Variants in MAP3K10 observed in about 807,000 individuals in gnomAD.
The protein encoded by MAP3K10 is mitogen-activated protein kinase kinase kinase 10.
Under a neutral mutation model 75.0 loss-of-function variants are expected in MAP3K10, and 22 were observed. The observed-to-expected ratio is 0.29, with a 90% confidence interval of 0.21 to 0.42. The LOEUF is 0.42. MAP3K10 is among the 10% of genes least tolerant of loss of function. The pLI, the probability that MAP3K10 is intolerant of heterozygous loss-of-function variation, is 1.00. For synonymous variants in MAP3K10, 599 were observed against 612.9 expected, an observed-to-expected ratio of 0.98 and a Z score of 0.34; for missense variants, 1,165 against 1,379.8, an observed-to-expected ratio of 0.84 and a Z score of 2.47.
At chr19:40,195,354 G>A (rs1032366946) in intron 1 of MAP3K10, among the ~76,000 whole-genome samples, 2 of 151,756 alleles carry the variant, frequency 1.3e-5, no homozygotes, top group Non-Finnish European at 2.9e-5. Context: ...ACAGGGTTTC[G>A]ATACAAACAG....
chr19:40,205,651 T>G lies in MAP3K10; in HGVS notation c.1189-260T>G. 2.0e-6 allele frequency: 1 copy of G among 512,720 alleles called. No homozygotes were observed. The highest frequency in any genetic ancestry group is 3.6e-5 in the Admixed American group (1 of 27,528). The allele number at this position is 512,720 out of a possible 1,614,324, so 31.8% of individuals were successfully genotyped here. ...ACAGGGGGGTGCACTGTTCTCTGCT[T>G]TTGTGGATGTTTGAAGTTTTCTAAA... On this transcript the variant is annotated intron_variant, in intron 4 of 9. Coordinates refer to ENST00000253055, the MANE Select transcript of MAP3K10 (RefSeq NM_002446.4). The surrounding 1 kb of genome is among the most constrained non-coding windows in gnomAD (Gnocchi z 4.3).
In MAP3K10 at chr19:40,213,776, TGAG is replaced by T; in HGVS notation, c.2101_2103del (p.Glu701del). On this transcript the variant is annotated inframe_deletion, in exon 9 of 10. Coordinates refer to ENST00000253055, the MANE Select transcript of MAP3K10 (RefSeq NM_002446.4). The surrounding 1 kb of genome is among the most constrained non-coding windows in gnomAD (Gnocchi z 5.7). ...TGGCCGAGGCGCGCGCGGCCGACGG[TGAG>T]GAGCAGCGGCGCTGGCTCGACGGCC... 3 of 1,192,396 alleles carry T rather than the reference TGAG, an allele frequency of 2.5e-6. No homozygotes were observed. The highest frequency in any genetic ancestry group is 2.4e-5 in the South Asian group (1 of 41,508). The allele number at this position is 1,192,396 out of a possible 1,614,324, so 73.9% of individuals were successfully genotyped here. A position where few individuals can be genotyped will look rare whatever the true frequency, so the allele number is the denominator to read the frequency against.
At position 40,212,601 on chromosome 19, in the gene MAP3K10, G is replaced by T. The variant is rs1260912854; in HGVS notation, c.1553-204G>T. ...GGCAGGGAACCGCTCATGGCCTTCA[G>T]TGCCAGGCGGAGGAGCTGGAACCTT... is the stretch of plus-strand genomic sequence containing the variant. On this transcript the variant is annotated intron_variant, in intron 6 of 9. Coordinates refer to ENST00000253055, the MANE Select transcript of MAP3K10 (RefSeq NM_002446.4). The surrounding 1 kb of genome is among the most constrained non-coding windows in gnomAD (Gnocchi z 4.2). 6.6e-6 allele frequency among the ~76,000 whole-genome samples: 1 copy of T among 152,216 alleles called. No homozygotes were observed. Among genetic ancestry groups the T allele is most frequent in the Non-Finnish European group, 1.5e-5 (1 of 68,036 alleles).
At chr19:40,199,870 C>A (rs1027750348) in intron 2 of MAP3K10, among the ~76,000 whole-genome samples, 5 of 152,068 alleles carry the variant, frequency 3.3e-5, no homozygotes, top group Non-Finnish European at 7.4e-5. Flanking sequence ...ATAAAAACTC[C>A]TTTGGAGGCC....
At position 40,192,730 on chromosome 19, in the gene MAP3K10, C is replaced by T; in HGVS notation, c.682+17C>T. The T allele has an allele frequency of 2.0e-6, 3 of 1,515,306 alleles. No individual in the cohort carries two copies. The East Asian group carries it at 6.8e-5, about 35-fold the overall frequency. The allele number at this position is 1,515,306 out of a possible 1,614,324, so 93.9% of individuals were successfully genotyped here. Reference sequence around the variant, plus strand: ...CCATCAACAGTAAGTGGTGTCCTCTCCCCAAAATTCCTTCCACAGAACCTC... The same window carrying T: ...CCATCAACAGTAAGTGGTGTCCTCTTCCCAAAATTCCTTCCACAGAACCTC... On this transcript the variant is annotated intron_variant, in intron 1 of 9. Coordinates refer to ENST00000253055, the MANE Select transcript of MAP3K10 (RefSeq NM_002446.4). This position sits in a 1 kb window ranked among gnomAD's most constrained non-coding sequence, Gnocchi z 7.1.
chr19:40,204,583 C>T lies in MAP3K10; in HGVS notation c.962C>T (p.Thr321Met), dbSNP rs140663696. Residue 321 changes from threonine (T) to methionine (M), a missense_variant, in exon 3 of 10, where the codon ACG becomes ATG. Physicochemically the swap from Thr to Met is moderately conservative, Grantham distance 81. Transcript: ENST00000253055. This position sits in a 1 kb window ranked among gnomAD's most constrained non-coding sequence, Gnocchi z 4.3. ...VAYGVAMNKL[T>M]LPIPSTCPEP... ...TATGGCGTGGCTATGAATAAGCTGA[C>T]GCTGCCCATTCCCTCCACGTGCCCC... 684 of 1,613,990 alleles carry T rather than the reference C, an allele frequency of 4.2e-4. 2 individuals are homozygous for T. In the Middle Eastern group the frequency reaches 4.3e-3, roughly 10 times the overall value.
At chr19:40,196,588 G>C (rs997531401) in intron 1 of MAP3K10, among the ~76,000 whole-genome samples, 1 of 151,994 alleles carries the variant, frequency 6.6e-6, no homozygotes, top group African/African-American at 2.4e-5. Flanking sequence ...GCACGATCTC[G>C]GCTCACTGCA....
intron 5 of MAP3K10, chr19:40,206,425 A>G: frequency 3.0e-6 from 1 of 329,426 alleles, no homozygotes; most frequent in Non-Finnish European, 5.4e-6. Context: ...AATTTTTTTT[A>G]ATTAGCTGGC....
Position 40,215,370 on chromosome 19 carries a change from G to C in MAP3K10, c.*78G>C. ...CTGCCCCAGCCCGCCATGCCACAAG[G>C]TGGGGGAGGCCCTGGGCAGGATGTT... is the stretch of plus-strand genomic sequence containing the variant. On this transcript the variant is annotated 3_prime_UTR_variant, in exon 10 of 10. Transcript: ENST00000253055. 7.5e-7 allele frequency: 1 copy of C among 1,332,216 alleles called. No homozygotes were observed. Among genetic ancestry groups the C allele is most frequent in the Non-Finnish European group, 1.0e-6 (1 of 976,546 alleles). The allele number at this position is 1,332,216 out of a possible 1,614,324, so 82.5% of individuals were successfully genotyped here. A position where few individuals can be genotyped will look rare whatever the true frequency, so the allele number is the denominator to read the frequency against.
intron 2 of MAP3K10, among the ~76,000 whole-genome samples, chr19:40,202,700 T>A (rs1253797852): frequency 6.6e-6 from 1 of 152,330 alleles, no homozygotes; most frequent in African/African-American, 2.4e-5. Context: ...GGCTAGAATG[T>A]GGTGGTATAG....
At chr19:40,201,617 C>G (rs1973023535) in intron 2 of MAP3K10, among the ~76,000 whole-genome samples, 1 of 150,650 alleles carries the variant, frequency 6.6e-6, no homozygotes. Flanking sequence ...CTCAGCCTCT[C>G]TAGTAGCTGG....
chr19:40,208,741 C>G (rs1019524096), intron 5 of MAP3K10, among the ~76,000 whole-genome samples: 1 of 151,782 alleles, frequency 6.6e-6, no homozygotes, highest in Non-Finnish European at 1.5e-5. Context: ...CCCCATTGCA[C>G]AAGCCACATT....
Position 40,191,957 on chromosome 19 carries a change from C to A in MAP3K10, c.-75C>A. The A allele has an allele frequency of 9.2e-7, 1 of 1,086,034 alleles. No individual in the cohort carries two copies. Among genetic ancestry groups the A allele is most frequent in the Non-Finnish European group, 1.2e-6 (1 of 800,794 alleles). The allele number at this position is 1,086,034 out of a possible 1,614,324, so 67.3% of individuals were successfully genotyped here. A position where few individuals can be genotyped will look rare whatever the true frequency, so the allele number is the denominator to read the frequency against. On this transcript the variant is annotated 5_prime_UTR_variant, in exon 1 of 10. Transcript: ENST00000253055. ...CCGCAGGGACTGCCCTCCATCCCGG[C>A]CGCCGGGGCCCGCCCTCTGCATCCC...
In MAP3K10 at chr19:40,205,933, A is replaced by C; in HGVS notation, c.1211A>C (p.Glu404Ala). The change falls in exon 5 of 10, where the codon GAG (glutamate) becomes GCG (alanine). Residue 404 changes from glutamate (E) to alanine (A), a missense_variant. Physicochemically the swap from Glu to Ala is moderately radical, Grantham distance 107 (BLOSUM62 -1). Transcript: ENST00000253055. This position sits in a 1 kb window ranked among gnomAD's most constrained non-coding sequence, Gnocchi z 4.3. The stretch of plus-strand genomic sequence containing the variant: ...CAGGAGCTTCGGAGCCGTGAGGAGG[A>C]GCTGCTGCGGGCGGCACAGGAGCAG... ...KEKELRSREE[E>A]LLRAAQEQRF... The C allele has an allele frequency of 6.3e-7, 1 of 1,582,302 alleles. No individual in the cohort carries two copies. Among genetic ancestry groups the C allele is most frequent in the Non-Finnish European group, 8.6e-7 (1 of 1,162,654 alleles).
In MAP3K10 at chr19:40,205,020, C is replaced by G; in HGVS notation, c.1013-101C>G. 1 of 1,070,432 alleles carries G rather than the reference C, an allele frequency of 9.3e-7. No individual in the cohort carries two copies. Among genetic ancestry groups the G allele is most frequent in the Non-Finnish European group, 1.4e-6 (1 of 707,678 alleles). 66.3% of individuals were successfully genotyped at this position (1,070,432 alleles called of 1,614,324 possible). ...AGCTCCATAGCAGCTGTTTGTCTGC[C>G]ATCCCCAGAAATTCTGCCTTCCTCT... is the stretch of plus-strand genomic sequence containing the variant. On this transcript the variant is annotated intron_variant, in intron 3 of 9. Transcript: ENST00000253055. This position sits in a 1 kb window ranked among gnomAD's most constrained non-coding sequence, Gnocchi z 4.3.
intron 2 of MAP3K10, among the ~76,000 whole-genome samples, chr19:40,201,913 TAGGTTTGA>T (rs919045872): frequency 5.3e-5 from 8 of 151,408 alleles, no homozygotes; most frequent in African/African-American, 1.7e-4. Context: ...ACCCATCATC[TAGGTTTGA>T]AGCCCCGCGT....
Position 40,204,487 on chromosome 19 carries a change from T to A in MAP3K10, c.866T>A (p.Phe289Tyr). ...LFSKSSDVWS[F>Y]GVLLWELLTG... Reference sequence around the variant, plus strand: ...CCCTCCCTCTCCCCTGCCTGCAGCTTCGGGGTGCTGCTGTGGGAGCTGCTG... The same window carrying A: ...CCCTCCCTCTCCCCTGCCTGCAGCTACGGGGTGCTGCTGTGGGAGCTGCTG... The change falls in exon 3 of 10, where the codon TTC becomes TAC. Residue 289 changes from phenylalanine to tyrosine, a missense_variant and splice_region_variant. Phe to Tyr is a conservative substitution (Grantham distance 22). Around this residue, in one of 2 missense-constraint regions of MAP3K10, gnomAD observed 575 missense variants for 793.2 expected, o/e 0.72. Coordinates refer to ENST00000253055, the MANE Select transcript of MAP3K10 (RefSeq NM_002446.4). The surrounding 1 kb of genome is among the most constrained non-coding windows in gnomAD (Gnocchi z 4.3). 1 of 1,612,832 alleles carries A rather than the reference T, an allele frequency of 6.2e-7. No homozygotes were observed.
intron 2 of MAP3K10, among the ~76,000 whole-genome samples, chr19:40,203,225 G>A (rs2145082056): frequency 6.6e-6 from 1 of 152,206 alleles, no homozygotes; most frequent in East Asian, 1.9e-4. Context: ...TGTAATCCCA[G>A]CTACTTGGGA....
Position 40,191,824 on chromosome 19 carries a change from C to CCCCCCCCCCCCCCCCCA in MAP3K10, c.-207_-206insCCCCCCCCCCCCCCCAC. The CCCCCCCCCCCCCCCCCA allele has an allele frequency of 5.3e-6, 1 of 187,402 alleles. No individual in the cohort carries two copies. The highest frequency in any genetic ancestry group is 1.1e-5 in the Non-Finnish European group (1 of 91,338). The allele number at this position is 187,402 out of a possible 1,614,324, so 11.6% of individuals were successfully genotyped here. A position where few individuals can be genotyped will look rare whatever the true frequency, so the allele number is the denominator to read the frequency against. On this transcript the variant is annotated 5_prime_UTR_variant, in exon 1 of 10. Transcript: ENST00000253055. Reference sequence around the variant, plus strand: ...CGCCCCACTCCCACCCCGCCCCGCCCCGCCCGTACAGCCAAATCGGAAGGG... The same window carrying CCCCCCCCCCCCCCCCCA: ...CGCCCCACTCCCACCCCGCCCCGCCCCCCCCCCCCCCCCCCCACGCCCGTACAGCCAAATCGGAAGGG...
Sources: gnomAD v4.1 joint callset for allele counts (sites outside exome capture counted in the v4.1 genomes callset) on GRCh38, gnomAD v4.1.1 for gene constraint, gnomAD v4.1.1 regional missense constraint, Gnocchi (gnomAD v3.1) non-coding constraint, MANE v1.5 for transcripts, NCBI Gene and HGNC (gene_info 2026-07-23, HGNC 2026-07-21) for gene names.